Variants in GRID2 observed in about 807,000 individuals in gnomAD.
GRID2 encodes glutamate ionotropic receptor delta type subunit 2.
GRID2 carries 33 observed loss-of-function variants against 114.8 expected under a neutral mutation model. The observed-to-expected ratio is 0.29, with a 90% CI of 0.22 to 0.38. The LOEUF (loss-of-function observed/expected upper bound fraction) is 0.38. Among genes scored for constraint, GRID2 ranks in the 10% least tolerant of loss-of-function variants. The pLI, the probability that GRID2 is intolerant of heterozygous loss-of-function variation, is 1.00. For missense variants in GRID2, 1,184 were observed against 1,257.7 expected (o/e 0.94, Z 0.89); for synonymous variants, 505 against 449.9 (o/e 1.12, Z -1.55).
chr4:92,653,304 T>TACAC (rs145150152), intron 2 of GRID2, among the ~76,000 whole-genome samples: 2,331 of 146,610 alleles, frequency 0.016, 50 homozygotes, highest in South Asian at 0.069. Flanking sequence ...TGGCCAAAAT[T>TACAC]ACACACACAC....
At chr4:93,524,626 G>A (rs571422024) in intron 13 of GRID2, among the ~76,000 whole-genome samples, 1 of 151,584 alleles carries the variant, frequency 6.6e-6, no homozygotes, top group Non-Finnish European at 1.5e-5. Context: ...TAGAATCATT[G>A]TGACACATGT....
At chr4:92,548,401 A>ATTTTT (rs61653263) in intron 1 of GRID2, among the ~76,000 whole-genome samples, 17,281 of 60,574 alleles carry the variant, frequency 0.29, 3,820 homozygotes, top group Middle Eastern at 0.53. Context: ...AGACTGTGTA[A>ATTTTT]TTTTTTTTTT....
intron 1 of GRID2, among the ~76,000 whole-genome samples, chr4:92,424,695 C>T (rs772298175): frequency 2.7e-5 from 4 of 150,700 alleles, no homozygotes; most frequent in Non-Finnish European, 5.9e-5. Flanking sequence ...CAATATTTCT[C>T]ACTATTTCTA....
intron 1 of GRID2, among the ~76,000 whole-genome samples, chr4:92,510,079 A>C (rs1724169595): frequency 6.6e-6 from 1 of 151,936 alleles, no homozygotes; most frequent in Admixed American, 6.6e-5. Flanking sequence ...TTGAGGGGAC[A>C]GAAATAAGCA....
rs1722011629 is a variant in GRID2, at chr4:93,645,338, G to A, written c.2360+18903G>A. On this transcript the variant is annotated intron_variant, in intron 14 of 15. Transcript: ENST00000282020. ...TTGGTCTAGGTATGTTGAACTTGGGGCACCAGAGGATGATATACCCATATA... is the reference window on the plus strand; with the variant it reads ...TTGGTCTAGGTATGTTGAACTTGGGACACCAGAGGATGATATACCCATATA... Among the ~76,000 whole-genome samples, 3 of 152,066 alleles carry A rather than the reference G, an allele frequency of 2.0e-5. No individual in the cohort carries two copies. The South Asian group carries it at 6.2e-4, about 32-fold the overall frequency.
chr4:93,477,347 A>C (rs1328115482), intron 11 of GRID2, among the ~76,000 whole-genome samples: 4 of 152,104 alleles, frequency 2.6e-5, no homozygotes, highest in Non-Finnish European at 5.9e-5. Context: ...TTTCAGTATG[A>C]ATGTTCGGAA....
intron 8 of GRID2, among the ~76,000 whole-genome samples, chr4:93,322,048 CTTTTTT>C (rs1435133111): frequency 6.8e-6 from 1 of 146,608 alleles, no homozygotes; most frequent in Non-Finnish European, 1.5e-5. Context: ...CTTTTTTTTT[CTTTTTT>C]TTATTATTAT....
chr4:93,043,960 C>G (rs1725879081), intron 2 of GRID2, among the ~76,000 whole-genome samples: 1 of 151,438 alleles, frequency 6.6e-6, no homozygotes, highest in East Asian at 1.9e-4. Context: ...TGTCTCTACC[C>G]TTAAGTAGTT....
rs373743453 is a variant in GRID2, at chr4:92,460,032, C to CTATATATATATATATA, written c.89-130092_89-130077dup. Among the ~76,000 whole-genome samples the CTATATATATATATATA allele has an allele frequency of 9.9e-3, 478 of 48,386 alleles. 75 individuals are homozygous for CTATATATATATATATA. In the East Asian group the frequency reaches 0.11, roughly 11 times the overall value. The allele number at this position is 48,386 out of a possible 152,430, so 31.7% of individuals were successfully genotyped here. Reference sequence around the variant, plus strand: ...AGCCCATTCCTTAAAATAAATCTCACTATATATATATATATATATATACAC... The same window carrying CTATATATATATATATA: ...AGCCCATTCCTTAAAATAAATCTCACTATATATATATATATATATATATATATATATATATATACAC... On this transcript the variant is annotated intron_variant, in intron 1 of 15. Coordinates refer to ENST00000282020, the MANE Select transcript of GRID2 (RefSeq NM_001510.4).
chr4:92,925,219 C>T (rs1749712508), intron 2 of GRID2, among the ~76,000 whole-genome samples: 1 of 152,054 alleles, frequency 6.6e-6, no homozygotes, highest in South Asian at 2.1e-4. Context: ...GGTATTCCTT[C>T]TCTGTCTCTC....
rs1276823726 is a variant in GRID2, at chr4:93,365,003, C to T, written c.1246-30604C>T. Among the ~76,000 whole-genome samples the T allele has an allele frequency of 5.3e-5, 8 of 151,486 alleles. No homozygotes were observed. In the South Asian group the frequency reaches 8.3e-4, roughly 16 times the overall value. On this transcript the variant is annotated intron_variant, in intron 8 of 15. Coordinates refer to ENST00000282020, the MANE Select transcript of GRID2 (RefSeq NM_001510.4). The stretch of plus-strand genomic sequence containing the variant: ...GTTTGTCTTTATTCTTTTTTGTTTT[C>T]TTTTCTCATATTATCTCATCTTTTA...
intron 4 of GRID2, among the ~76,000 whole-genome samples, chr4:93,175,695 C>A (rs1739289384): frequency 6.6e-6 from 1 of 152,104 alleles, no homozygotes; most frequent in African/African-American, 2.4e-5. Context: ...TGTTTTTAGA[C>A]TCATGGAAAG....
chr4:92,713,205 G>A (rs548204147), intron 2 of GRID2, among the ~76,000 whole-genome samples: 1 of 150,498 alleles, frequency 6.6e-6, no homozygotes, highest in African/African-American at 2.4e-5. Flanking sequence ...ATTGAACAAT[G>A]ACTTGACTTT....
At chr4:92,431,591 T>A (rs1244385675) in intron 1 of GRID2, among the ~76,000 whole-genome samples, 4 of 150,524 alleles carry the variant, frequency 2.7e-5, no homozygotes, top group Non-Finnish European at 5.9e-5. Flanking sequence ...TTTTTTTTTT[T>A]AATAACAGTG....
chr4:93,436,932 AATATGATTGATATATATTTTATTTT>A (rs1721139681), intron 10 of GRID2, among the ~76,000 whole-genome samples: 1 of 152,168 alleles, frequency 6.6e-6, no homozygotes, highest in Non-Finnish European at 1.5e-5. Flanking sequence ...AAGTTTATGA[AATATGATTGATATATATTTTATTTT>A]ACAAAATAAT....
intron 13 of GRID2, among the ~76,000 whole-genome samples, chr4:93,541,789 C>T (rs191789390): frequency 1.2e-4 from 18 of 152,134 alleles, no homozygotes; most frequent in Admixed American, 9.2e-4. Context: ...AAAAATTATC[C>T]TAATTTTGCG....
At chr4:92,820,975 TAA>T (rs1440819789) in intron 2 of GRID2, among the ~76,000 whole-genome samples, 5 of 152,096 alleles carry the variant, frequency 3.3e-5, no homozygotes, top group African/African-American at 1.2e-4. Flanking sequence ...TATATATACT[TAA>T]GATAAAACAG....
chr4:92,411,517 A>G lies in GRID2; in HGVS notation c.88+106773A>G, dbSNP rs548614035. Among the ~76,000 whole-genome samples, 59 of 151,424 alleles carry G rather than the reference A, an allele frequency of 3.9e-4. 1 individual carries two copies. In the South Asian group the frequency reaches 0.011, roughly 29 times the overall value. On this transcript the variant is annotated intron_variant, in intron 1 of 15. Coordinates refer to ENST00000282020, the MANE Select transcript of GRID2 (RefSeq NM_001510.4). Reference sequence around the variant, plus strand: ...TTTAACCACCTTTTCCTGATTTTTAATAAATTCACTTTTTAAACTTTTCAC... The same window carrying G: ...TTTAACCACCTTTTCCTGATTTTTAGTAAATTCACTTTTTAAACTTTTCAC...
chr4:93,375,231 T>G (rs964287252), intron 8 of GRID2, among the ~76,000 whole-genome samples: 45 of 149,334 alleles, frequency 3.0e-4, no homozygotes, highest in Non-Finnish European at 1.9e-4. Flanking sequence ...TTTTTTTTTT[T>G]GAGACAGAAT....
Sources: allele counts gnomAD v4.1 joint callset (sites outside exome capture counted in the v4.1 genomes callset), GRCh38; gene constraint gnomAD v4.1.1; transcripts MANE v1.5; gene names NCBI Gene and HGNC (gene_info 2026-07-23, HGNC 2026-07-21).